The following ATXN2 variants were observed in gnomAD, a reference collection of about 807,000 sequenced individuals.
The protein encoded by ATXN2 is ataxin-2.
Under a neutral mutation model 138.6 loss-of-function variants are expected in ATXN2, and 37 were observed. The observed-to-expected ratio is 0.27, with a 90% CI of 0.21 to 0.35. ATXN2 has a LOEUF of 0.35. Among genes scored for constraint, ATXN2 ranks in the 10% least tolerant of loss-of-function variants. The probability of loss-of-function intolerance (pLI) is 1.00; values close to 1 mark genes in which losing one functional copy is unlikely to be tolerated. For synonymous variants in ATXN2, 549 were observed against 543.7 expected (o/e 1.01, Z -0.13); for missense variants, 1,216 against 1,480.3 (o/e 0.82, Z 2.93).
chr12:111,482,188 CTA>C (rs1270548574), intron 18 of ATXN2, among the ~76,000 whole-genome samples: 2 of 132,884 alleles, frequency 1.5e-5, no homozygotes, highest in African/African-American at 6.3e-5. Flanking sequence ...CCTTTCTCTA[CTA>C]TTTTTTTTTT....
Position 111,481,526 on chromosome 12 carries a change from A to G in ATXN2, c.2524+3739T>C, listed in dbSNP as rs1194797584. Among the ~76,000 whole-genome samples, 3 of 152,208 alleles carry G rather than the reference A, an allele frequency of 2.0e-5. 1 individual carries two copies. In the South Asian group the frequency reaches 6.2e-4, roughly 32 times the overall value. On this transcript the variant is annotated intron_variant, in intron 18 of 24. Coordinates refer to ENST00000673436, the MANE Select transcript of ATXN2 (RefSeq NM_001372574.1). Reference sequence around the variant, plus strand: ...AAAGACATATCGGTTATTTATGAGGATGTGGAGAAACTGGAACACTTGTAC... The same window carrying G: ...AAAGACATATCGGTTATTTATGAGGGTGTGGAGAAACTGGAACACTTGTAC...
intron 5 of ATXN2, among the ~76,000 whole-genome samples, chr12:111,533,560 C>G (rs944479735): frequency 6.6e-6 from 1 of 151,054 alleles, no homozygotes. Context: ...TTCTCACACT[C>G]TGTTGCGCAG....
intron 1 of ATXN2, among the ~76,000 whole-genome samples, chr12:111,560,880 A>G (rs1882645200): frequency 6.6e-6 from 1 of 152,218 alleles, no homozygotes; most frequent in Admixed American, 6.5e-5. Context: ...AAAAGTGGTC[A>G]CTATAAACAT....
intron 23 of ATXN2, 67 bp downstream of exon 23, chr12:111,455,962 A>G: frequency 1.4e-6 from 2 of 1,462,898 alleles, no homozygotes; most frequent in Non-Finnish European, 1.9e-6. Context: ...GAGAGCCTCT[A>G]GCTGCTTACT....
At chr12:111,474,777 C>T (rs1030530901) in intron 18 of ATXN2, among the ~76,000 whole-genome samples, 3 of 152,170 alleles carry the variant, frequency 2.0e-5, no homozygotes, top group Non-Finnish European at 4.4e-5. Context: ...TGTCTCAATA[C>T]ATTCGTAATA....
chr12:111,460,095 G>T lies in ATXN2; in HGVS notation c.2897-2736C>A, dbSNP rs531664288. On this transcript the variant is annotated intron_variant, in intron 21 of 24. Transcript: ENST00000673436. Reference sequence around the variant, plus strand: ...CGGTGGACAGTGCAGTTTTGTTGTTGTTTTGAGACGGAGTCTCGCTCTGTT... The same window carrying T: ...CGGTGGACAGTGCAGTTTTGTTGTTTTTTTGAGACGGAGTCTCGCTCTGTT... Among the ~76,000 whole-genome samples, 173 of 152,098 alleles carry T rather than the reference G, an allele frequency of 1.1e-3. 1 individual carries two copies. The highest frequency in any genetic ancestry group is 2.0e-3 in the Non-Finnish European group (138 of 67,950).
intron 1 of ATXN2, among the ~76,000 whole-genome samples, chr12:111,590,997 C>T (rs1884629827): frequency 1.3e-5 from 2 of 151,926 alleles, no homozygotes; most frequent in African/African-American, 4.8e-5. Flanking sequence ...TCATGCCATT[C>T]TCTTGCCTCG....
intron 5 of ATXN2, among the ~76,000 whole-genome samples, chr12:111,532,792 T>C (rs893622696): frequency 7.7e-6 from 1 of 129,736 alleles, no homozygotes; most frequent in Non-Finnish European, 1.6e-5. Context: ...CTGCCATGAA[T>C]AAAGCAAATA....
At chr12:111,531,049 C>T (rs1880802338) in intron 5 of ATXN2, among the ~76,000 whole-genome samples, 2 of 150,700 alleles carry the variant, frequency 1.3e-5, no homozygotes, top group Admixed American at 6.6e-5. Flanking sequence ...ACCTGGGAGG[C>T]AGAGGCTGCG....
chr12:111,552,777 G>T lies in ATXN2; in HGVS notation c.420+129C>A. 1.6e-6 allele frequency: 1 copy of T among 642,024 alleles called. No individual in the cohort carries two copies. Among genetic ancestry groups the T allele is most frequent in the Non-Finnish European group, 2.6e-6 (1 of 389,020 alleles). The allele number at this position is 642,024 out of a possible 1,614,324, so 39.8% of individuals were successfully genotyped here. A position where few individuals can be genotyped will look rare whatever the true frequency, so the allele number is the denominator to read the frequency against. On this transcript the variant is annotated intron_variant, in intron 4 of 24. Coordinates refer to ENST00000673436, the MANE Select transcript of ATXN2 (RefSeq NM_001372574.1). This position sits in a 1 kb window ranked among gnomAD's most constrained non-coding sequence, Gnocchi z 4.1. ...GAAGCCTCTCTGATTACACAAACCA[G>T]TCTATAAAATAATCAGTATTTGAAA...
In ATXN2 at chr12:111,509,579, A is replaced by G; in HGVS notation, c.1905T>C (p.Asp635=). The change falls in exon 14 of 25, where the codon GAT becomes GAC. Residue 635 remains aspartate (D), a synonymous_variant. Coordinates refer to ENST00000673436, the MANE Select transcript of ATXN2 (RefSeq NM_001372574.1). ...PVVSEHRKQI[D]DLKKFKNDFR... ...AATCATTCTTAAATTTCTTTAAATCATCAATCTGTTTTCTATGTTCAGAAA... is the reference window on the plus strand; with the variant it reads ...AATCATTCTTAAATTTCTTTAAATCGTCAATCTGTTTTCTATGTTCAGAAA... 1 of 1,488,750 alleles carries G rather than the reference A, an allele frequency of 6.7e-7. No individual in the cohort carries two copies. The highest frequency in any genetic ancestry group is 9.3e-7 in the Non-Finnish European group (1 of 1,081,068). 92.2% of individuals were successfully genotyped at this position (1,488,750 alleles called of 1,614,324 possible).
At chr12:111,475,330 C>A (rs1417234905) in intron 18 of ATXN2, among the ~76,000 whole-genome samples, 5 of 126,244 alleles carry the variant, frequency 4.0e-5, no homozygotes, top group Admixed American at 8.1e-5. Context: ...GGTGACAGAG[C>A]CAAGATTCCA....
At chr12:111,533,253 C>T (rs1053648371) in intron 5 of ATXN2, among the ~76,000 whole-genome samples, 5 of 152,202 alleles carry the variant, frequency 3.3e-5, no homozygotes, top group African/African-American at 1.2e-4. Flanking sequence ...TATTCCAACA[C>T]ACACTACAGT....
At chr12:111,548,307 G>A (rs1291924997) in intron 5 of ATXN2, among the ~76,000 whole-genome samples, 1 of 152,178 alleles carries the variant, frequency 6.6e-6, no homozygotes, top group East Asian at 1.9e-4. Context: ...GAGTAGAAAA[G>A]CTAGATTTGT....
intron 20 of ATXN2, chr12:111,468,696 C>A: frequency 9.2e-6 from 1 of 108,524 alleles, no homozygotes. Context: ...TCTGTAAATT[C>A]TTTTTTTTTT....
At chr12:111,565,003 A>G (rs1164304124) in intron 1 of ATXN2, 1 of 152,188 alleles carries the variant, frequency 6.6e-6, no homozygotes, top group African/African-American at 2.4e-5. Flanking sequence ...GATTACAGGC[A>G]TAAGACACCA....
intron 1 of ATXN2, among the ~76,000 whole-genome samples, chr12:111,584,086 A>T (rs1484020829): frequency 1.6e-5 from 2 of 125,838 alleles, no homozygotes; most frequent in African/African-American, 1.1e-4. Context: ...AAAATTACTT[A>T]AAAAAAAATT....
chr12:111,537,224 T>C (rs1489261804), intron 5 of ATXN2, among the ~76,000 whole-genome samples: 8 of 152,022 alleles, frequency 5.3e-5, no homozygotes, highest in Non-Finnish European at 1.0e-4. Context: ...TATTTGGCCA[T>C]GAAAAAGAAA....
chr12:111,598,976 TGTTGCTGC>T lies in ATXN2; in HGVS notation c.51_58del (p.Gln18AlafsTer69), dbSNP rs1885100114. The stretch of plus-strand genomic sequence containing the variant: ...CTGCTGCTGCTGCTGCTGCTGCTGC[TGTTGCTGC>T]TGCTGCTGCTGCTGCTGCTGCTGCT... On this transcript the variant is annotated frameshift_variant, in exon 1 of 25. Transcript: ENST00000673436. LOFTEE classifies it high-confidence loss of function. The surrounding 1 kb of genome is among the most constrained non-coding windows in gnomAD (Gnocchi z 4.5). 1.3e-4 allele frequency: 186 copies of T among 1,433,120 alleles called. No homozygotes were observed. Among genetic ancestry groups the T allele is most frequent in the Middle Eastern group, 1.2e-3 (5 of 4,164 alleles). The allele number at this position is 1,433,120 out of a possible 1,614,324, so 88.8% of individuals were successfully genotyped here. A position where few individuals can be genotyped will look rare whatever the true frequency, so the allele number is the denominator to read the frequency against.
Sources: gnomAD v4.1 joint callset for allele counts (sites outside exome capture counted in the v4.1 genomes callset) on GRCh38, gnomAD v4.1.1 for gene constraint, Gnocchi (gnomAD v3.1) non-coding constraint, MANE v1.5 for transcripts, NCBI Gene and HGNC (gene_info 2026-07-23, HGNC 2026-07-21) for gene names.